Variants in PLCL1 observed in about 807,000 individuals in gnomAD.
PLCL1 encodes the protein phospholipase C like 1 (inactive).
A neutral mutation model predicts 84.4 loss-of-function variants in PLCL1; 41 were observed. The ratio of observed to expected loss-of-function variants is 0.49; its 90% CI spans 0.38 to 0.63. The LOEUF (loss-of-function observed/expected upper bound fraction) is 0.63, where lower values mean the gene tolerates loss of function less well. PLCL1 is among the 30% of genes least tolerant of loss of function. PLCL1 has a pLI of 0.00. For synonymous variants in PLCL1, 490 were observed against 488.3 expected (o/e 1.00, Z -0.05); for missense variants, 1,206 against 1,367.8 (o/e 0.88, Z 1.87).
In PLCL1 at chr2:198,133,215, T is replaced by C. The variant is rs1574336159; in HGVS notation, c.3106-13565T>C. ...GCAGCCATAAAAAATGATGAGTTCA[T>C]ATCCTTTGTAGGGACATGGATGAAA... On this transcript the variant is annotated intron_variant, in intron 5 of 5. Transcript: ENST00000428675. Among the ~76,000 whole-genome samples the C allele has an allele frequency of 2.0e-5, 3 of 152,088 alleles. No individual in the cohort carries two copies. The South Asian group carries it at 6.2e-4, about 32-fold the overall frequency.
intron 1 of PLCL1, among the ~76,000 whole-genome samples, chr2:198,069,352 G>T (rs1217272554): frequency 6.6e-6 from 1 of 151,936 alleles, no homozygotes; most frequent in African/African-American, 2.4e-5. Context: ...AGCCTGGAGT[G>T]GTGATGCATG....
chr2:197,996,088 G>A (rs1458022371), intron 1 of PLCL1, among the ~76,000 whole-genome samples: 5 of 152,134 alleles, frequency 3.3e-5, no homozygotes, highest in African/African-American at 1.2e-4. Flanking sequence ...ATTGGAGGAA[G>A]AGCAGGTTTG....
At chr2:197,914,380 A>G (rs554260088) in intron 1 of PLCL1, among the ~76,000 whole-genome samples, 1 of 150,560 alleles carries the variant, frequency 6.6e-6, no homozygotes, top group East Asian at 2.0e-4. Context: ...TCCAGGCTGG[A>G]GTGCACTGGC....
chr2:197,999,332 G>A (rs1690543455), intron 1 of PLCL1, among the ~76,000 whole-genome samples: 1 of 152,154 alleles, frequency 6.6e-6, no homozygotes, highest in Non-Finnish European at 1.5e-5. Context: ...ACAGCACCTG[G>A]ACAATAAAAA....
intron 5 of PLCL1, among the ~76,000 whole-genome samples, chr2:198,138,886 T>A (rs1254637490): frequency 6.6e-6 from 1 of 152,202 alleles, no homozygotes; most frequent in Non-Finnish European, 1.5e-5. Context: ...CTGGGCGTGG[T>A]GGCTCACACC....
intron 1 of PLCL1, among the ~76,000 whole-genome samples, chr2:197,857,359 A>T (rs1169642730): frequency 6.6e-6 from 1 of 152,114 alleles, no homozygotes; most frequent in African/African-American, 2.4e-5. Context: ...CTTCAGCTAT[A>T]TTCTCCAGCA....
At position 197,897,571 on chromosome 2, in the gene PLCL1, G is replaced by GA. The variant is rs578161096; in HGVS notation, c.240+92239dup. On this transcript the variant is annotated intron_variant, in intron 1 of 5. Transcript: ENST00000428675. ...TATTTTTTTAATATGCATTAAATGA[G>GA]AAAAAAACAAACAAAAATTATTGTT... 3.5e-3 allele frequency among the ~76,000 whole-genome samples: 534 copies of GA among 151,742 alleles called. 3 individuals are homozygous for GA. The highest frequency in any genetic ancestry group is 5.4e-3 in the Non-Finnish European group (370 of 67,896).
chr2:198,068,826 A>C (rs1225947006), intron 1 of PLCL1, among the ~76,000 whole-genome samples: 1 of 152,182 alleles, frequency 6.6e-6, no homozygotes, highest in African/African-American at 2.4e-5. Flanking sequence ...GTTCAAGACC[A>C]GCCTGAACAA....
chr2:197,956,087 T>C (rs2105785806), intron 1 of PLCL1, among the ~76,000 whole-genome samples: 1 of 152,230 alleles, frequency 6.6e-6, no homozygotes, highest in East Asian at 1.9e-4. Flanking sequence ...TTTCTGTTCC[T>C]GTGTTAGTTT....
intron 1 of PLCL1, among the ~76,000 whole-genome samples, chr2:197,996,903 G>C (rs1285956050): frequency 6.6e-6 from 1 of 152,134 alleles, no homozygotes; most frequent in Non-Finnish European, 1.5e-5. Flanking sequence ...ACATTAGGGT[G>C]GCATTAGCGT....
chr2:197,965,127 G>A (rs1253444278), intron 1 of PLCL1, among the ~76,000 whole-genome samples: 1 of 152,112 alleles, frequency 6.6e-6, no homozygotes, highest in African/African-American at 2.4e-5. Context: ...GTTTGAGTAG[G>A]AGTAGTATTA....
intron 1 of PLCL1, among the ~76,000 whole-genome samples, chr2:197,903,213 A>T (rs1331154950): frequency 4.6e-5 from 7 of 152,122 alleles, no homozygotes; most frequent in Admixed American, 2.6e-4. Context: ...AGAACATATG[A>T]TCTCTATTGC....
chr2:198,066,301 A>G (rs888713789), intron 1 of PLCL1, among the ~76,000 whole-genome samples: 14 of 152,140 alleles, frequency 9.2e-5, no homozygotes, highest in African/African-American at 3.1e-4. Context: ...TTCCTTATTT[A>G]CAATTGTATT....
At chr2:197,894,042 C>T (rs1559037663) in intron 1 of PLCL1, among the ~76,000 whole-genome samples, 1 of 151,786 alleles carries the variant, frequency 6.6e-6, no homozygotes, top group Admixed American at 6.6e-5. Flanking sequence ...GGGGTAGTGC[C>T]AGCCTCATCT....
chr2:197,846,598 A>G (rs914260134), intron 1 of PLCL1, among the ~76,000 whole-genome samples: 4 of 152,184 alleles, frequency 2.6e-5, no homozygotes, highest in African/African-American at 7.2e-5. Flanking sequence ...TAAATAGGAT[A>G]GAGTCCCCTA....
At chr2:197,870,223 G>A (rs886870608) in intron 1 of PLCL1, among the ~76,000 whole-genome samples, 2 of 152,098 alleles carry the variant, frequency 1.3e-5, no homozygotes, top group African/African-American at 4.8e-5. Flanking sequence ...GGGGAGCTTT[G>A]CTGCTTTTAG....
intron 5 of PLCL1, among the ~76,000 whole-genome samples, chr2:198,126,067 A>C (rs539959277): frequency 2.0e-5 from 3 of 151,998 alleles, no homozygotes; most frequent in Non-Finnish European, 2.9e-5. Context: ...ATAATTCTTT[A>C]ATTTGTTTCT....
intron 1 of PLCL1, among the ~76,000 whole-genome samples, chr2:197,955,953 A>G (rs1689483024): frequency 6.6e-6 from 1 of 150,400 alleles, no homozygotes; most frequent in Admixed American, 6.6e-5. Context: ...TATTTGTCAT[A>G]ATGCTCTCCC....
chr2:198,005,074 G>C (rs962242404), intron 1 of PLCL1, among the ~76,000 whole-genome samples: 1 of 152,190 alleles, frequency 6.6e-6, no homozygotes, highest in Non-Finnish European at 1.5e-5. Flanking sequence ...AGACAAGGCA[G>C]GGTAGGGAGG....
Sources: gnomAD v4.1 joint callset for allele counts (sites outside exome capture counted in the v4.1 genomes callset) on GRCh38, gnomAD v4.1.1 for gene constraint, MANE v1.5 for transcripts, NCBI Gene and HGNC (gene_info 2026-07-23, HGNC 2026-07-21) for gene names.